Variants in KIAA1958 observed in about 807,000 individuals in gnomAD.
The protein encoded by KIAA1958 is KIAA1958, also known as uncharacterized protein KIAA1958.
KIAA1958 carries 14 observed loss-of-function variants against 47.2 expected under a neutral mutation model. That is an observed-to-expected ratio of 0.30 (90% CI 0.20 to 0.46). The LOEUF (loss-of-function observed/expected upper bound fraction) is 0.46, where lower values mean the gene tolerates loss of function less well. Among genes scored for constraint, KIAA1958 ranks in the 20% least tolerant of loss-of-function variants. The pLI is 1.00. For missense variants in KIAA1958, 803 were observed against 909.2 expected (o/e 0.88, Z 1.50); for synonymous variants, 354 against 353.3 (o/e 1.00, Z -0.02).
At chr9:112,632,909 T>G (rs62937761) in intron 2 of KIAA1958, among the ~76,000 whole-genome samples, 1 of 13,920 alleles carries the variant, frequency 7.2e-5, no homozygotes, top group East Asian at 1.8e-3. Context: ...GGAAACAGCC[T>G]TTTTTTTTTT....
chr9:112,569,222 C>T lies in KIAA1958; in HGVS notation c.-24-4835C>T, dbSNP rs1835487870. Among the ~76,000 whole-genome samples, 3 of 152,218 alleles carry T rather than the reference C, an allele frequency of 2.0e-5. 1 individual carries two copies. The highest frequency in any genetic ancestry group is 4.1e-4 in the South Asian group (2 of 4,824). The stretch of plus-strand genomic sequence containing the variant: ...AACATGAGCATTGCCTATTAAATTT[C>T]CCCGTTTTCTGTGCCATGCTTCTGT... On this transcript the variant is annotated intron_variant, in intron 1 of 3. Coordinates refer to ENST00000337530, the MANE Select transcript of KIAA1958 (RefSeq NM_133465.4).
intron 3 of KIAA1958, 93 bp downstream of exon 3, chr9:112,645,915 G>A: frequency 2.9e-6 from 3 of 1,042,700 alleles, no homozygotes; most frequent in Non-Finnish European, 4.0e-6. Context: ...ACACAGAACG[G>A]TGGCTTTCTG....
At chr9:112,581,929 G>A in intron 2 of KIAA1958, 1 of 235,978 alleles carries the variant, frequency 4.2e-6, no homozygotes, top group Non-Finnish European at 8.9e-6. Flanking sequence ...TAGTCCTGGG[G>A]GATGCATTCA....
At chr9:112,541,122 T>C (rs1834933536) in intron 1 of KIAA1958, among the ~76,000 whole-genome samples, 1 of 152,152 alleles carries the variant, frequency 6.6e-6, no homozygotes, top group Non-Finnish European at 1.5e-5. Flanking sequence ...TAATGCTGGT[T>C]TTATGATTCC....
intron 2 of KIAA1958, among the ~76,000 whole-genome samples, chr9:112,605,477 T>C (rs1302813457): frequency 1.3e-5 from 2 of 152,214 alleles, no homozygotes; most frequent in Non-Finnish European, 2.9e-5. Flanking sequence ...GCCCAGCCCC[T>C]GCCCTTCCTA....
intron 1 of KIAA1958, among the ~76,000 whole-genome samples, chr9:112,498,069 GT>G (rs1834074589): frequency 6.6e-6 from 1 of 152,110 alleles, no homozygotes; most frequent in African/African-American, 2.4e-5. Context: ...ACATATATTT[GT>G]TGCAGGGAGT....
chr9:112,537,411 A>G (rs1002703193), intron 1 of KIAA1958, among the ~76,000 whole-genome samples: 2 of 152,186 alleles, frequency 1.3e-5, no homozygotes, highest in Admixed American at 6.5e-5. Flanking sequence ...AGGACAAGAT[A>G]TTTCACAAAT....
chr9:112,533,020 C>T (rs947407205), intron 1 of KIAA1958, among the ~76,000 whole-genome samples: 16 of 151,630 alleles, frequency 1.1e-4, no homozygotes, highest in African/African-American at 3.9e-4. Context: ...TCAGGTAGTA[C>T]AGCAAAAATG....
At chr9:112,568,595 G>A (rs983993087) in intron 1 of KIAA1958, among the ~76,000 whole-genome samples, 2 of 152,004 alleles carry the variant, frequency 1.3e-5, no homozygotes, top group Non-Finnish European at 2.9e-5. Context: ...AAGATAAATA[G>A]TGCTTGGCCC....
Position 112,654,117 on chromosome 9 carries a change from T to C in KIAA1958, c.1345-5146T>C, listed in dbSNP as rs79455175. 9.0e-3 allele frequency among the ~76,000 whole-genome samples: 1,373 copies of C among 152,244 alleles called. 12 individuals are homozygous for C. Among genetic ancestry groups the C allele is most frequent in the Non-Finnish European group, 0.014 (968 of 68,014 alleles). The stretch of plus-strand genomic sequence containing the variant: ...ACAGGGAGGGGAATCGTAGCTGTCT[T>C]CTCATACTGTCAGAAGCAGATTGTG... On this transcript the variant is annotated intron_variant, in intron 3 of 3. Transcript: ENST00000337530.
intron 1 of KIAA1958, among the ~76,000 whole-genome samples, chr9:112,529,878 CTG>C (rs1488207241): frequency 6.6e-6 from 1 of 151,748 alleles, no homozygotes; most frequent in African/African-American, 2.4e-5. Flanking sequence ...GAGTCTCACT[CTG>C]TCGCCCAGGC....
intron 1 of KIAA1958, among the ~76,000 whole-genome samples, chr9:112,518,541 AGT>A (rs1390183245): frequency 6.6e-6 from 1 of 152,186 alleles, no homozygotes; most frequent in Admixed American, 6.5e-5. Context: ...AAAACAGATG[AGT>A]GTTTGCCTTA....
Position 112,574,798 on chromosome 9 carries a change from A to T in KIAA1958, c.718A>T (p.Thr240Ser). ...ACAGATGGCAAAACCCAAGCCTCAG[A>T]CTCACGCTGGTCCCTCCTGTGTAGG... The part of the protein sequence containing the change: ...LTQMAKPKPQ[T>S]HAGPSCVGSA... Residue 240 changes from threonine to serine, a missense_variant, in exon 2 of 4, where the codon ACT (threonine) becomes TCT (serine). By Grantham distance (58) the Thr-to-Ser change is moderately conservative (BLOSUM62 1). Transcript: ENST00000337530. 1 of 1,614,040 alleles carries T rather than the reference A, an allele frequency of 6.2e-7. No homozygotes were observed. The highest frequency in any genetic ancestry group is 8.5e-7 in the Non-Finnish European group (1 of 1,179,980).
intron 1 of KIAA1958, among the ~76,000 whole-genome samples, chr9:112,532,121 G>C (rs1312199553): frequency 6.6e-6 from 1 of 152,178 alleles, no homozygotes; most frequent in Non-Finnish European, 1.5e-5. Flanking sequence ...CTGGTGGTGA[G>C]GGGGAGGTGA....
chr9:112,549,671 G>A (rs1250139674), intron 1 of KIAA1958, among the ~76,000 whole-genome samples: 2 of 152,210 alleles, frequency 1.3e-5, no homozygotes, highest in East Asian at 3.8e-4. Flanking sequence ...GGGAAGCAAT[G>A]GACCAAGCCT....
chr9:112,578,748 A>G (rs1835690705), intron 2 of KIAA1958, among the ~76,000 whole-genome samples: 1 of 152,148 alleles, frequency 6.6e-6, no homozygotes, highest in African/African-American at 2.4e-5. Context: ...GAGGGCATCT[A>G]TTATTAGAAG....
intron 1 of KIAA1958, among the ~76,000 whole-genome samples, chr9:112,490,144 G>C (rs562150512): frequency 6.6e-6 from 1 of 152,188 alleles, no homozygotes; most frequent in East Asian, 1.9e-4. Context: ...TTTCATTCTT[G>C]GATTAATATT....
intron 2 of KIAA1958, among the ~76,000 whole-genome samples, chr9:112,620,597 A>C (rs1313045905): frequency 3.9e-5 from 6 of 152,204 alleles, no homozygotes; most frequent in South Asian, 2.1e-4. Flanking sequence ...AGTTAACCTC[A>C]TGTTCATGAC....
intron 2 of KIAA1958, among the ~76,000 whole-genome samples, chr9:112,599,977 T>C (rs1454231327): frequency 6.6e-6 from 1 of 152,184 alleles, no homozygotes; most frequent in Non-Finnish European, 1.5e-5. Context: ...GCATGATTTA[T>C]TACATTAATT....
Sources: gnomAD v4.1 joint callset for allele counts (sites outside exome capture counted in the v4.1 genomes callset) on GRCh38, gnomAD v4.1.1 for gene constraint, MANE v1.5 for transcripts, NCBI Gene and HGNC (gene_info 2026-07-23, HGNC 2026-07-21) for gene names.